The following MDGA2 variants were observed in gnomAD, a reference collection of about 807,000 sequenced individuals.
MDGA2 encodes MAM domain containing glycosylphosphatidylinositol anchor 2, also known as MAM domain-containing glycosylphosphatidylinositol anchor protein 2.
A neutral mutation model predicts 117.8 loss-of-function variants in MDGA2; 40 were observed. That is an observed-to-expected ratio of 0.34 (90% confidence interval 0.26 to 0.44). The LOEUF (loss-of-function observed/expected upper bound fraction) is 0.44. Ranked by LOEUF, MDGA2 falls within the 20% of genes least tolerant of loss-of-function variation. MDGA2 has a pLI of 1.00. For synonymous variants in MDGA2, 452 were observed against 439.0 expected (o/e 1.03, Z -0.37); for missense variants, 1,123 against 1,250.6 (o/e 0.90, Z 1.54).
At chr14:47,645,706 C>G (rs1220040273) in intron 1 of MDGA2, among the ~76,000 whole-genome samples, 1 of 151,878 alleles carries the variant, frequency 6.6e-6, no homozygotes, top group African/African-American at 2.4e-5. Context: ...ATGCTTACAA[C>G]TGATCAAAAG....
At chr14:47,408,056 CTT>C (rs56285818) in intron 1 of MDGA2, among the ~76,000 whole-genome samples, 20 of 115,146 alleles carry the variant, frequency 1.7e-4, no homozygotes, top group Non-Finnish European at 1.9e-4. Flanking sequence ...GGAGATTATT[CTT>C]TTTTTTTTTT....
intron 11 of MDGA2, among the ~76,000 whole-genome samples, chr14:46,878,306 A>C (rs1882311398): frequency 1.3e-5 from 2 of 151,950 alleles, no homozygotes; most frequent in Admixed American, 1.3e-4. Flanking sequence ...ACCACTTATC[A>C]CTCTGAGAAA....
At chr14:47,168,098 A>C (rs2139306139) in intron 3 of MDGA2, among the ~76,000 whole-genome samples, 1 of 152,228 alleles carries the variant, frequency 6.6e-6, no homozygotes, top group Non-Finnish European at 1.5e-5. Context: ...GCCTGGATGC[A>C]ATGGGAGTAG....
At chr14:47,291,632 G>A (rs1446635770) in intron 2 of MDGA2, among the ~76,000 whole-genome samples, 2 of 152,180 alleles carry the variant, frequency 1.3e-5, no homozygotes, top group Non-Finnish European at 2.9e-5. Context: ...TACACAGTAC[G>A]CTGTAGATTA....
chr14:46,957,948 T>A (rs993748496), intron 8 of MDGA2, among the ~76,000 whole-genome samples: 7 of 152,184 alleles, frequency 4.6e-5, no homozygotes, highest in African/African-American at 1.2e-4. Flanking sequence ...AATTCTAATA[T>A]TATCAATATA....
chr14:47,307,692 A>G (rs1806306), intron 1 of MDGA2, among the ~76,000 whole-genome samples: 2,038 of 149,732 alleles, frequency 0.014, 35 homozygotes, highest in African/African-American at 0.038. Flanking sequence ...TGTGGGGGGG[A>G]AAAAAAAAGG....
Position 47,116,382 on chromosome 14 carries a change from T to C in MDGA2, c.925+15332A>G, listed in dbSNP as rs188650541. Among the ~76,000 whole-genome samples, 133 of 152,118 alleles carry C rather than the reference T, an allele frequency of 8.7e-4. 1 individual carries two copies. The highest frequency in any genetic ancestry group is 7.9e-3 in the East Asian group (41 of 5,176). ...AATGAAATCTCATTTAATATTCTAATGGTATTTTTTACAGAAATAGAAAAA... is the reference window on the plus strand; with the variant it reads ...AATGAAATCTCATTTAATATTCTAACGGTATTTTTTACAGAAATAGAAAAA... On this transcript the variant is annotated intron_variant, in intron 5 of 16. Coordinates refer to ENST00000399232, the MANE Select transcript of MDGA2 (RefSeq NM_001113498.3).
At chr14:47,424,229 T>C (rs1158641916) in intron 1 of MDGA2, among the ~76,000 whole-genome samples, 3 of 152,196 alleles carry the variant, frequency 2.0e-5, no homozygotes, top group Middle Eastern at 3.4e-3. Flanking sequence ...GAGACCAGTC[T>C]GGGTAACATG....
At chr14:47,666,096 T>A (rs1453507175) in intron 1 of MDGA2, among the ~76,000 whole-genome samples, 1 of 152,046 alleles carries the variant, frequency 6.6e-6, no homozygotes, top group African/African-American at 2.4e-5. Flanking sequence ...GCACTCTGTA[T>A]CTAGCTCAAG....
chr14:47,393,119 A>G (rs972829940), intron 1 of MDGA2, among the ~76,000 whole-genome samples: 2 of 150,888 alleles, frequency 1.3e-5, no homozygotes, highest in Admixed American at 1.3e-4. Flanking sequence ...AATAATAATA[A>G]TAATTGCAAG....
intron 1 of MDGA2, among the ~76,000 whole-genome samples, chr14:47,366,888 G>A (rs1457797379): frequency 2.6e-5 from 4 of 150,950 alleles, no homozygotes; most frequent in East Asian, 1.9e-4. Flanking sequence ...TAGATATAAT[G>A]AAATTACTTT....
At chr14:47,227,612 T>C (rs1291832780) in intron 2 of MDGA2, among the ~76,000 whole-genome samples, 2 of 152,048 alleles carry the variant, frequency 1.3e-5, no homozygotes. Flanking sequence ...TTCGTAAACT[T>C]GGTATCTCCA....
At chr14:47,341,588 T>TAG (rs1359101460) in intron 1 of MDGA2, among the ~76,000 whole-genome samples, 2 of 152,236 alleles carry the variant, frequency 1.3e-5, no homozygotes, top group East Asian at 3.8e-4. Flanking sequence ...AAATAATATT[T>TAG]TCTTTGATAA....
chr14:47,393,912 T>C (rs993060047), intron 1 of MDGA2, among the ~76,000 whole-genome samples: 5 of 152,072 alleles, frequency 3.3e-5, no homozygotes, highest in Non-Finnish European at 7.4e-5. Flanking sequence ...TAAACGAACA[T>C]TTGGTACCAA....
chr14:47,403,486 T>A (rs1594840024), intron 1 of MDGA2, among the ~76,000 whole-genome samples: 1 of 152,144 alleles, frequency 6.6e-6, no homozygotes, highest in Non-Finnish European at 1.5e-5. Flanking sequence ...CTGCCTGCAA[T>A]GAACTGATCA....
chr14:47,484,460 T>G (rs1894016935), intron 1 of MDGA2, among the ~76,000 whole-genome samples: 1 of 152,186 alleles, frequency 6.6e-6, no homozygotes, highest in African/African-American at 2.4e-5. Flanking sequence ...TCATCAGAAG[T>G]GCAGAGATGT....
chr14:47,325,488 T>C (rs756235515), intron 1 of MDGA2, among the ~76,000 whole-genome samples: 61 of 152,282 alleles, frequency 4.0e-4, no homozygotes, highest in Non-Finnish European at 6.9e-4. Flanking sequence ...ATTAATGATA[T>C]TCACAATATA....
intron 1 of MDGA2, among the ~76,000 whole-genome samples, chr14:47,530,396 G>C (rs1895071323): frequency 6.6e-6 from 1 of 152,102 alleles, no homozygotes; most frequent in African/African-American, 2.4e-5. Context: ...GCTAATCATA[G>C]GTTATGGAAA....
Position 47,491,256 on chromosome 14 carries a change from C to T in MDGA2, c.280+183261G>A, listed in dbSNP as rs907099549. Among the ~76,000 whole-genome samples, 7 of 152,092 alleles carry T rather than the reference C, an allele frequency of 4.6e-5. No individual in the cohort carries two copies. In the East Asian group the frequency reaches 1.4e-3, roughly 29 times the overall value. On this transcript the variant is annotated intron_variant, in intron 1 of 16. Transcript: ENST00000399232. ...TGTGACCAAATGCCTTCTACAGAAT[C>T]GATTAAGAAGAGCACAACTGGCCCT...
Sources: allele counts gnomAD v4.1 joint callset (sites outside exome capture counted in the v4.1 genomes callset), GRCh38; gene constraint gnomAD v4.1.1; transcripts MANE v1.5; gene names NCBI Gene and HGNC (gene_info 2026-07-23, HGNC 2026-07-21).